The following WDHD1 variants were observed in gnomAD, a reference collection of about 807,000 sequenced individuals.
The protein encoded by WDHD1 is WD repeat and HMG-box DNA-binding protein 1.
In WDHD1, 111 loss-of-function variants were observed where a neutral mutation model predicts 135.4. That is an observed-to-expected ratio of 0.82 (90% CI 0.70 to 0.96). WDHD1 has a LOEUF of 0.96. WDHD1 is among the 40% of genes least tolerant of loss of function. The probability of loss-of-function intolerance (pLI) is 0.00; values close to 1 mark genes in which losing one functional copy is unlikely to be tolerated. For synonymous variants in WDHD1, 434 were observed against 439.0 expected (o/e 0.99, Z 0.14); for missense variants, 1,351 against 1,336.3 (o/e 1.01, Z -0.17).
intron 16 of WDHD1, among the ~76,000 whole-genome samples, chr14:54,976,587 G>A (rs1007357328): frequency 6.6e-6 from 1 of 152,078 alleles, no homozygotes; most frequent in Non-Finnish European, 1.5e-5. Flanking sequence ...TTTATTCCCC[G>A]AACTTCCATG....
chr14:54,945,010 C>T (rs932023968), intron 24 of WDHD1, among the ~76,000 whole-genome samples: 27 of 152,200 alleles, frequency 1.8e-4, no homozygotes, highest in Non-Finnish European at 3.4e-4. Context: ...TTTCCAAGTG[C>T]AGCAACCATG....
rs2041138393 is a variant in WDHD1 at position 54,955,551 on chromosome 14, A to G, written c.3050+10T>C. 1 of 1,534,810 alleles carries G rather than the reference A, an allele frequency of 6.5e-7. No homozygotes were observed. Among genetic ancestry groups the G allele is most frequent in the Non-Finnish European group, 8.7e-7 (1 of 1,150,528 alleles). On this transcript the variant is annotated intron_variant, in intron 24 of 25. Coordinates refer to ENST00000360586, the MANE Select transcript of WDHD1 (RefSeq NM_007086.4). ...TGGTCACTGCATGCTAAATTTCTCTATGTACTGACCTTTGGTTTTCAGTGT... is the reference window on the plus strand; with the variant it reads ...TGGTCACTGCATGCTAAATTTCTCTGTGTACTGACCTTTGGTTTTCAGTGT...
In WDHD1 at chr14:54,941,943, C is replaced by T. The variant is rs139590727; in HGVS notation, c.3190-253G>A. Among the ~76,000 whole-genome samples, 561 of 152,144 alleles carry T rather than the reference C, an allele frequency of 3.7e-3. 9 individuals carry two copies. Among genetic ancestry groups the T allele is most frequent in the Admixed American group, 0.029 (442 of 15,270 alleles). ...TATTAGTTGCAAAATACTATAATTG[C>T]AGTACTATTTAAAAATGAAACTTTT... On this transcript the variant is annotated intron_variant, in intron 25 of 25. Coordinates refer to ENST00000360586, the MANE Select transcript of WDHD1 (RefSeq NM_007086.4).
At chr14:54,963,389 C>A (rs999345933) in intron 18 of WDHD1, among the ~76,000 whole-genome samples, 1 of 152,036 alleles carries the variant, frequency 6.6e-6, no homozygotes, top group African/African-American at 2.4e-5. Flanking sequence ...TTTTATGTCT[C>A]CATGGCTTAA....
rs568712012 is a variant in WDHD1, at chr14:54,955,501, T to A, written c.3050+60A>T. ...AATAACAGCATTGCATAATTTTGTA[T>A]TGCTGCTACTGTATACTTTTTACTT... On this transcript the variant is annotated intron_variant, in intron 24 of 25. Transcript: ENST00000360586. The A allele has an allele frequency of 3.6e-6, 5 of 1,392,818 alleles. No individual in the cohort carries two copies. In the South Asian group the frequency reaches 9.9e-5, roughly 28 times the overall value. The allele number at this position is 1,392,818 out of a possible 1,614,324, so 86.3% of individuals were successfully genotyped here.
At chr14:54,951,896 G>T (rs7159953) in intron 24 of WDHD1, among the ~76,000 whole-genome samples, 1 of 151,918 alleles carries the variant, frequency 6.6e-6, no homozygotes, top group Non-Finnish European at 1.5e-5. Flanking sequence ...AAACCACATG[G>T]TTATCTCAAT....
At chr14:55,020,176 C>A (rs1465951891) in intron 2 of WDHD1, among the ~76,000 whole-genome samples, 1 of 152,196 alleles carries the variant, frequency 6.6e-6, no homozygotes, top group East Asian at 1.9e-4. Flanking sequence ...TGATTACTTT[C>A]TATACCCCAC....
At chr14:54,957,787 C>A (rs1052953790) in intron 21 of WDHD1, 152 bp from the exon 22 acceptor site, 1 of 632,056 alleles carries the variant, frequency 1.6e-6, no homozygotes, top group Non-Finnish European at 2.7e-6. Flanking sequence ...TATCCTCTTT[C>A]CTACTTCTAA....
In WDHD1 at chr14:54,985,791, G is replaced by T. The variant is rs187627468; in HGVS notation, c.1769-931C>A. On this transcript the variant is annotated intron_variant, in intron 14 of 25. Transcript: ENST00000360586. ...CAAATTTAGAATGTGTTATTCCATAGAATTGACATGATGATATAATTTTAC... is the reference window on the plus strand; with the variant it reads ...CAAATTTAGAATGTGTTATTCCATATAATTGACATGATGATATAATTTTAC... 2.3e-3 allele frequency among the ~76,000 whole-genome samples: 351 copies of T among 152,304 alleles called. 1 individual carries two copies. The highest frequency in any genetic ancestry group is 4.3e-3 in the Admixed American group (66 of 15,298).
In WDHD1 at chr14:54,941,407, T is replaced by A; in HGVS notation, c.*83A>T. ...TCAAACTCTTTAAAAAATATATATA[T>A]AATGAGTTTCCCAAAGACTCGAGTC... is the stretch of plus-strand genomic sequence containing the variant. On this transcript the variant is annotated 3_prime_UTR_variant, in exon 26 of 26. Coordinates refer to ENST00000360586, the MANE Select transcript of WDHD1 (RefSeq NM_007086.4). The A allele has an allele frequency of 8.9e-7, 1 of 1,127,194 alleles. No individual in the cohort carries two copies. Among genetic ancestry groups the A allele is most frequent in the Non-Finnish European group, 1.2e-6 (1 of 808,090 alleles). The allele number at this position is 1,127,194 out of a possible 1,614,324, so 69.8% of individuals were successfully genotyped here.
Position 54,963,174 on chromosome 14 carries a change from T to C in WDHD1, c.2311-2A>G. 2 of 216,562 alleles carry C rather than the reference T, an allele frequency of 9.2e-6. No individual in the cohort carries two copies. Among genetic ancestry groups the C allele is most frequent in the Non-Finnish European group, 1.8e-5 (2 of 110,408 alleles). The allele number at this position is 216,562 out of a possible 1,614,324, so 13.4% of individuals were successfully genotyped here. ...TTCTCGCTCCAGTTTACAAGAAAGCTAATCCAAAAAGGGGGGGGGGGGGGA... is the reference window on the plus strand; with the variant it reads ...TTCTCGCTCCAGTTTACAAGAAAGCCAATCCAAAAAGGGGGGGGGGGGGGA... On this transcript the variant is annotated splice_acceptor_variant, in intron 18 of 25. Coordinates refer to ENST00000360586, the MANE Select transcript of WDHD1 (RefSeq NM_007086.4). LOFTEE classifies it high-confidence loss of function.
chr14:55,019,453 T>C (rs1339872258), intron 2 of WDHD1, among the ~76,000 whole-genome samples: 4 of 152,216 alleles, frequency 2.6e-5, no homozygotes, highest in African/African-American at 7.2e-5. Context: ...TTATCTCTAA[T>C]ATTATTTTAT....
At chr14:54,967,457 TAA>T (rs2041363508) in intron 16 of WDHD1, 63 bp from the exon 17 acceptor site, 2 of 1,239,990 alleles carry the variant, frequency 1.6e-6, no homozygotes, top group Non-Finnish European at 2.3e-6. Context: ...CTACAAAATT[TAA>T]AAAGTTTTCA....
At chr14:54,992,734 G>A (rs1347265791) in intron 11 of WDHD1, among the ~76,000 whole-genome samples, 1 of 151,990 alleles carries the variant, frequency 6.6e-6, no homozygotes. Context: ...GGGCAACAAA[G>A]CAAGATTCCA....
intron 2 of WDHD1, 119 bp downstream of exon 2, chr14:55,026,592 T>C (rs1692431227): frequency 1.0e-6 from 1 of 991,544 alleles, no homozygotes; most frequent in Admixed American, 2.0e-5. Flanking sequence ...TGTGCCATTT[T>C]AGATTTCAAC....
In WDHD1 at chr14:55,012,039, T is replaced by C. The variant is rs771973802; in HGVS notation, c.189+1446A>G. ...CTCACTTATGTATCCAGCCACTATGTATGATAATACTTACTTCTCAAAGCC... is the reference window on the plus strand; with the variant it reads ...CTCACTTATGTATCCAGCCACTATGCATGATAATACTTACTTCTCAAAGCC... On this transcript the variant is annotated intron_variant, in intron 3 of 25. Transcript: ENST00000360586. Among the ~76,000 whole-genome samples the C allele has an allele frequency of 1.1e-3, 168 of 152,140 alleles. 1 individual carries two copies. Among genetic ancestry groups the C allele is most frequent in the Non-Finnish European group, 1.8e-3 (120 of 68,030 alleles).
chr14:54,993,594 T>TCAAATTA (rs2041826424), intron 11 of WDHD1, among the ~76,000 whole-genome samples: 1 of 152,200 alleles, frequency 6.6e-6, no homozygotes, highest in Non-Finnish European at 1.5e-5. Context: ...TTCTCCCTTT[T>TCAAATTA]CAAATTACAT....
chr14:55,000,660 T>G lies in WDHD1; in HGVS notation c.801-16A>C, dbSNP rs374268890. 6 of 1,523,170 alleles carry G rather than the reference T, an allele frequency of 3.9e-6. No homozygotes were observed. In the African/African-American group the frequency reaches 8.4e-5, roughly 21 times the overall value. 94.4% of individuals were successfully genotyped at this position (1,523,170 alleles called of 1,614,324 possible). Reference sequence around the variant, plus strand: ...ATGTTTCACCCTAAAAATTAAAAAGTAGGTTCTAAAAATACTGTCAAGAAA... The same window carrying G: ...ATGTTTCACCCTAAAAATTAAAAAGGAGGTTCTAAAAATACTGTCAAGAAA... On this transcript the variant is annotated splice_polypyrimidine_tract_variant and intron_variant, in intron 9 of 25. Coordinates refer to ENST00000360586, the MANE Select transcript of WDHD1 (RefSeq NM_007086.4).
At chr14:54,947,193 G>C (rs2040941277) in intron 24 of WDHD1, among the ~76,000 whole-genome samples, 1 of 151,874 alleles carries the variant, frequency 6.6e-6, no homozygotes, top group Admixed American at 6.6e-5. Flanking sequence ...TACAAAATTA[G>C]TCGGGCATGG....
Sources: gnomAD v4.1 joint callset for allele counts (sites outside exome capture counted in the v4.1 genomes callset) on GRCh38, gnomAD v4.1.1 for gene constraint, MANE v1.5 for transcripts, NCBI Gene and HGNC (gene_info 2026-07-23, HGNC 2026-07-21) for gene names.